MARCO: variants seen among roughly 807,000 people sequenced by gnomAD.
MARCO encodes macrophage receptor with collagenous structure.
MARCO carries 72 observed loss-of-function variants against 70.0 expected under a neutral mutation model. The ratio of observed to expected loss-of-function variants is 1.03; its 90% CI spans 0.85 to 1.25. The LOEUF is 1.25. Among genes scored for constraint, MARCO ranks in the 50% most tolerant of loss-of-function variants. The pLI, the probability that MARCO is intolerant of heterozygous loss-of-function variation, is 0.00. For missense variants in MARCO, 696 were observed against 659.3 expected (o/e 1.06, Z -0.61); for synonymous variants, 273 against 243.1 (o/e 1.12, Z -1.14).
At chr2:118,980,777 C>T (rs1680374197) in intron 8 of MARCO, among the ~76,000 whole-genome samples, 1 of 152,108 alleles carries the variant, frequency 6.6e-6, no homozygotes, top group African/African-American at 2.4e-5. Context: ...CACCCCTAAA[C>T]CAAAGAAGTC....
rs532178465 is a variant in MARCO at position 118,980,375 on chromosome 2, G to A, written c.767-1034G>A. 9.7e-4 allele frequency among the ~76,000 whole-genome samples: 147 copies of A among 152,252 alleles called. 1 individual carries two copies. The highest frequency in any genetic ancestry group is 1.4e-3 in the Non-Finnish European group (95 of 68,018). On this transcript the variant is annotated intron_variant, in intron 8 of 16. Coordinates refer to ENST00000327097, the MANE Select transcript of MARCO (RefSeq NM_006770.4). ...TTCAAGTATTCAGCCATCTCAAGGG[G>A]TCTGATTCATGAGCCTCATACCTCG...
Position 118,982,365 on chromosome 2 carries a change from G to T in MARCO, c.1018G>T (p.Gly340Trp), listed in dbSNP as rs202171758. 1.2e-4 allele frequency: 189 copies of T among 1,613,820 alleles called. No individual in the cohort carries two copies. Among genetic ancestry groups the T allele is most frequent in the Non-Finnish European group, 1.6e-4 (183 of 1,179,908 alleles). ...PGRAGLPGSPGSPGATGLKGS... is the reference protein window; with the variant it reads ...PGRAGLPGSPWSPGATGLKGS... The stretch of plus-strand genomic sequence containing the variant: ...TTGTCCAGGACTTCCAGGGAGCCCC[G>T]GGAGTCCAGGAGCCACAGGCCTGAA... Residue 340 changes from glycine (G) to tryptophan (W), a missense_variant, in exon 12 of 17, where the codon GGG becomes TGG. Transcript: ENST00000327097.
intron 1 of MARCO, among the ~76,000 whole-genome samples, chr2:118,959,571 G>T (rs1679903502): frequency 6.6e-6 from 1 of 152,206 alleles, no homozygotes; most frequent in African/African-American, 2.4e-5. Flanking sequence ...ATGGAAAACA[G>T]TGTGGAGATT....
chr2:118,969,706 C>T (rs2278588), intron 2 of MARCO, among the ~76,000 whole-genome samples: 19,512 of 152,174 alleles, frequency 0.13, 1,387 homozygotes, highest in South Asian at 0.27. Context: ...CACTCAAGAA[C>T]GCTGAATGAG....
In MARCO at chr2:118,977,959, G is replaced by A. The variant is rs200501635; in HGVS notation, c.766+24G>A. The A allele has an allele frequency of 4.7e-4, 717 of 1,532,514 alleles. 1 individual carries two copies. The highest frequency in any genetic ancestry group is 5.4e-4 in the Non-Finnish European group (609 of 1,121,702). 94.9% of individuals were successfully genotyped at this position (1,532,514 alleles called of 1,614,324 possible). A position where few individuals can be genotyped will look rare whatever the true frequency, so the allele number is the denominator to read the frequency against. ...AGGTGAGGGCCGTATTGGGGGTGTC[G>A]GTGCTTGCCAGGAGGCCTGAGGGAA... On this transcript the variant is annotated intron_variant, in intron 8 of 16. Coordinates refer to ENST00000327097, the MANE Select transcript of MARCO (RefSeq NM_006770.4).
At position 118,974,530 on chromosome 2, in the gene MARCO, G is replaced by A. The variant is rs1231089337; in HGVS notation, c.578G>A (p.Gly193Glu). 3 of 1,613,914 alleles carry A rather than the reference G, an allele frequency of 1.9e-6. No individual in the cohort carries two copies. The highest frequency in any genetic ancestry group is 2.5e-6 in the Non-Finnish European group (3 of 1,179,970). The change falls in exon 6 of 17, where the codon GGA (glycine) becomes GAA (glutamate). Residue 193 changes from glycine (G) to glutamate (E), a missense_variant. Coordinates refer to ENST00000327097, the MANE Select transcript of MARCO (RefSeq NM_006770.4). ...MGRDGATGPS[G>E]PQGPPGVKGE... ...TCCCTTTCCCTTCCAGGCCCCTCGG[G>A]ACCCCAAGGCCCACCGGGAGTCAAG...
chr2:118,962,098 A>T (rs1325606799), intron 1 of MARCO, among the ~76,000 whole-genome samples: 1 of 152,152 alleles, frequency 6.6e-6, no homozygotes, highest in Non-Finnish European at 1.5e-5. Flanking sequence ...TTGTACCAGT[A>T]CTATGCTGTT....
At chr2:118,990,265 AT>A (rs1473270626) in intron 12 of MARCO, among the ~76,000 whole-genome samples, 1 of 152,176 alleles carries the variant, frequency 6.6e-6, no homozygotes, top group African/African-American at 2.4e-5. Context: ...TCCAATATAA[AT>A]GCAACAGCAG....
chr2:118,958,919 T>C (rs1419841361), intron 1 of MARCO, among the ~76,000 whole-genome samples: 4 of 152,112 alleles, frequency 2.6e-5, no homozygotes, highest in African/African-American at 9.7e-5. Flanking sequence ...GGTGCTGGGA[T>C]AATTGGCTAG....
intron 1 of MARCO, chr2:118,944,696 A>G (rs1259666054): frequency 6.6e-6 from 1 of 152,138 alleles, no homozygotes; most frequent in Non-Finnish European, 1.5e-5. Context: ...CTGGACTAGG[A>G]AAGTTTTCAA....
At chr2:118,992,010 T>C in intron 14 of MARCO, 135 bp downstream of exon 14, 1 of 705,222 alleles carries the variant, frequency 1.4e-6, no homozygotes, top group Non-Finnish European at 2.4e-6. Flanking sequence ...GTTTATTTCC[T>C]TGATTGACAA....
chr2:118,986,985 C>T (rs1271575889), intron 12 of MARCO, among the ~76,000 whole-genome samples: 1 of 152,078 alleles, frequency 6.6e-6, no homozygotes, highest in Non-Finnish European at 1.5e-5. Context: ...ACACCAGGTC[C>T]CTGACAGTTT....
chr2:118,957,954 T>G (rs2104560116), intron 1 of MARCO, among the ~76,000 whole-genome samples: 1 of 152,216 alleles, frequency 6.6e-6, no homozygotes, highest in African/African-American at 2.4e-5. Context: ...CCAGCATCCC[T>G]TTATGATTAA....
intron 1 of MARCO, among the ~76,000 whole-genome samples, chr2:118,953,821 CAGG>C: frequency 6.6e-6 from 1 of 152,288 alleles, no homozygotes; most frequent in South Asian, 2.1e-4. Context: ...GGTCTGTTTG[CAGG>C]AGAAGTTTCT....
Position 118,977,837 on chromosome 2 carries a change from G to A in MARCO, c.668G>A (p.Gly223Glu). The change falls in exon 8 of 17, where the codon GGA (glycine) becomes GAA (glutamate). Residue 223 changes from glycine to glutamate, a missense_variant. By Grantham distance (98) the Gly-to-Glu change is moderately conservative. Coordinates refer to ENST00000327097, the MANE Select transcript of MARCO (RefSeq NM_006770.4). ...GCCATTCTCTTTGCAGGCACCCCAG[G>A]ACCCCAAGGAGAGAAGGGCAGCAAA... ...PGKQGATGTP[G>E]PQGEKGSKGD... is the part of the protein sequence containing the mutation. 6.2e-7 allele frequency: 1 copy of A among 1,611,946 alleles called. No homozygotes were observed. The highest frequency in any genetic ancestry group is 8.5e-7 in the Non-Finnish European group (1 of 1,179,154).
chr2:118,994,658 G>T lies in MARCO; in HGVS notation c.*138G>T. ...GCCATTAATAAAGCTCAACATCATT[G>T]GCTGTGGCTGAGTGTCACTGTGTTC... On this transcript the variant is annotated 3_prime_UTR_variant, in exon 17 of 17. Coordinates refer to ENST00000327097, the MANE Select transcript of MARCO (RefSeq NM_006770.4). 2 of 778,870 alleles carry T rather than the reference G, an allele frequency of 2.6e-6. No homozygotes were observed. Among genetic ancestry groups the T allele is most frequent in the Non-Finnish European group, 3.9e-6 (2 of 507,496 alleles). The allele number at this position is 778,870 out of a possible 1,614,324, so 48.2% of individuals were successfully genotyped here.
At chr2:118,990,387 A>T (rs1381347431) in intron 12 of MARCO, among the ~76,000 whole-genome samples, 1 of 151,982 alleles carries the variant, frequency 6.6e-6, no homozygotes, top group Non-Finnish European at 1.5e-5. Context: ...TTGCCGTTTC[A>T]CCCCCAACAC....
At chr2:118,990,729 T>G in intron 13 of MARCO, 96 bp downstream of exon 13, 4 of 1,213,558 alleles carry the variant, frequency 3.3e-6, no homozygotes, top group Non-Finnish European at 3.6e-6. Flanking sequence ...TGCACAGCTG[T>G]GACCTTCTCC....
At chr2:118,973,926 C>A (rs943163691) in intron 4 of MARCO, among the ~76,000 whole-genome samples, 1 of 152,330 alleles carries the variant, frequency 6.6e-6, no homozygotes, top group Admixed American at 6.5e-5. Context: ...AGAAGACAGA[C>A]AAGGCCCTGC....
Sources: gnomAD v4.1 joint callset for allele counts (sites outside exome capture counted in the v4.1 genomes callset) on GRCh38, gnomAD v4.1.1 for gene constraint, MANE v1.5 for transcripts, NCBI Gene and HGNC (gene_info 2026-07-23, HGNC 2026-07-21) for gene names.